Variants in CCN3 observed in about 807,000 individuals in gnomAD.
CCN3 encodes the protein cellular communication network factor 3.
CCN3 carries 20 observed loss-of-function variants against 33.4 expected under a neutral mutation model. That is an observed-to-expected ratio of 0.60 (90% confidence interval 0.42 to 0.87). The LOEUF is 0.87. Among genes scored for constraint, CCN3 ranks in the 40% least tolerant of loss-of-function variants. The probability of loss-of-function intolerance (pLI) is 0.00; values close to 1 mark genes in which losing one functional copy is unlikely to be tolerated. For missense variants in CCN3, 465 were observed against 455.3 expected, an observed-to-expected ratio of 1.02 and a Z score of -0.19; for synonymous variants, 205 against 170.4, an observed-to-expected ratio of 1.20 and a Z score of -1.58.
Position 119,416,525 on chromosome 8 carries a change from G to T in CCN3, c.-8G>T. 1 of 1,613,540 alleles carries T rather than the reference G, an allele frequency of 6.2e-7. No homozygotes were observed. The highest frequency in any genetic ancestry group is 2.2e-5 in the East Asian group (1 of 44,874). The stretch of plus-strand genomic sequence containing the variant: ...CGTTTGGTAAAAGCGAGAGGGGAAA[G>T]CCTGAGCATGCAGAGTGTGCAGAGC... On this transcript the variant is annotated 5_prime_UTR_variant, in exon 1 of 5. Coordinates refer to ENST00000259526, the MANE Select transcript of CCN3 (RefSeq NM_002514.4).
chr8:119,416,931 G>A lies in CCN3; in HGVS notation c.272G>A (p.Arg91His), dbSNP rs774463585. 3 of 1,613,532 alleles carry A rather than the reference G, an allele frequency of 1.9e-6. No individual in the cohort carries two copies. The highest frequency in any genetic ancestry group is 4.5e-5 in the East Asian group (2 of 44,848). The part of the protein sequence containing the change: ...CDESSGLYCD[R>H]SADPSNQTGI... ...GAGAGCAGTGGCCTCTACTGTGATC[G>A]CAGCGCGGACCCCAGCAACCAGACT... The change falls in exon 2 of 5, where the codon CGC (arginine) becomes CAC (histidine). Residue 91 changes from arginine (R) to histidine (H), a missense_variant. Coordinates refer to ENST00000259526, the MANE Select transcript of CCN3 (RefSeq NM_002514.4).
chr8:119,422,788 CA>C, intron 4 of CCN3, 47 bp from the exon 5 acceptor site: 1 of 1,472,952 alleles, frequency 6.8e-7, no homozygotes, highest in East Asian at 2.3e-5. Context: ...AATTGTCCCT[CA>C]GGGGAATGGT....
intron 2 of CCN3, among the ~76,000 whole-genome samples, chr8:119,417,817 C>T (rs1820072229): frequency 6.6e-6 from 1 of 152,212 alleles, no homozygotes; most frequent in Admixed American, 6.5e-5. Context: ...TTGCACACCT[C>T]TTTCCTCATC....
At position 119,418,197 on chromosome 8, in the gene CCN3, G is replaced by A. The variant is rs995171598; in HGVS notation, c.450G>A (p.Leu150=). Reference sequence around the variant, plus strand: ...CCCGCTGTCAGCTGGATGTGCTACTGCCTGAGCCTAACTGCCCAGCTCCAA... The same window carrying A: ...CCCGCTGTCAGCTGGATGTGCTACTACCTGAGCCTAACTGCCCAGCTCCAA... ...CVPRCQLDVL[L]PEPNCPAPRK... Residue 150 remains leucine, a synonymous_variant, in exon 3 of 5, where the codon CTG becomes CTA. Transcript: ENST00000259526. 7 of 1,614,086 alleles carry A rather than the reference G, an allele frequency of 4.3e-6. No individual in the cohort carries two copies. The African/African-American group carries it at 9.3e-5, about 22-fold the overall frequency.
At chr8:119,421,986 A>G (rs1229086966) in intron 4 of CCN3, among the ~76,000 whole-genome samples, 2 of 152,200 alleles carry the variant, frequency 1.3e-5, no homozygotes, top group African/African-American at 2.4e-5. Flanking sequence ...GTATTAGTCC[A>G]TTTTCAAACT....
At chr8:119,422,522 CA>C (rs1447421423) in intron 4 of CCN3, among the ~76,000 whole-genome samples, 1 of 152,124 alleles carries the variant, frequency 6.6e-6, no homozygotes, top group African/African-American at 2.4e-5. Context: ...TACAATTAGG[CA>C]AGGTGTTTAC....
Position 119,422,946 on chromosome 8 carries a change from T to C in CCN3, c.888T>C (p.Ser296=), listed in dbSNP as rs1215066191. 1 of 1,614,072 alleles carries C rather than the reference T, an allele frequency of 6.2e-7. No homozygotes were observed. ...TYKPRFCGVC[S]DGRCCTPHNT... ...AGCCCAGGTTCTGTGGGGTCTGCAGTGATGGCCGCTGCTGCACTCCCCACA... is the reference window on the plus strand; with the variant it reads ...AGCCCAGGTTCTGTGGGGTCTGCAGCGATGGCCGCTGCTGCACTCCCCACA... Residue 296 remains serine, a synonymous_variant, in exon 5 of 5, where the codon AGT becomes AGC. Transcript: ENST00000259526.
At chr8:119,417,931 G>A in intron 2 of CCN3, 127 bp from the exon 3 acceptor site, 7 of 907,824 alleles carry the variant, frequency 7.7e-6, no homozygotes, top group Non-Finnish European at 1.0e-5. Flanking sequence ...AAACCAGATC[G>A]CCTGAACTAG....
intron 4 of CCN3, 90 bp downstream of exon 4, chr8:119,419,435 G>C: frequency 1.5e-6 from 2 of 1,311,646 alleles, no homozygotes; most frequent in Non-Finnish European, 2.2e-6. Flanking sequence ...GTCACTCTGT[G>C]ACGGAGAGAG....
intron 4 of CCN3, among the ~76,000 whole-genome samples, chr8:119,419,729 G>C (rs1820099111): frequency 6.6e-6 from 1 of 152,214 alleles, no homozygotes; most frequent in African/African-American, 2.4e-5. Flanking sequence ...GGTTCTGTAT[G>C]TATGGGTAGA....
rs757006110 is a variant in CCN3 at position 119,422,892 on chromosome 8, C to T, written c.834C>T (p.Phe278=). The T allele has an allele frequency of 6.8e-6, 11 of 1,613,934 alleles. No homozygotes were observed. The highest frequency in any genetic ancestry group is 9.3e-6 in the Non-Finnish European group (11 of 1,179,884). Reference sequence around the variant, plus strand: ...CACTCAAAGCCATCCACCTGCAGTTCAAGAACTGCACCAGCCTGCACACCT... The same window carrying T: ...CACTCAAAGCCATCCACCTGCAGTTTAAGAACTGCACCAGCCTGCACACCT... ...KKSLKAIHLQ[F]KNCTSLHTYK... The change falls in exon 5 of 5, where the codon TTC becomes TTT. Residue 278 remains phenylalanine, a synonymous_variant. Transcript: ENST00000259526.
Position 119,422,833 on chromosome 8 carries a change from T to A in CCN3, c.778-3T>A. On this transcript the variant is annotated splice_polypyrimidine_tract_variant and splice_region_variant and intron_variant, in intron 4 of 4. Coordinates refer to ENST00000259526, the MANE Select transcript of CCN3 (RefSeq NM_002514.4). ...AATACATCACTTCTTTTTTCTTTCT[T>A]AGAAAGGAAAAAAGTGTCTCCGCAC... 1 of 1,592,458 alleles carries A rather than the reference T, an allele frequency of 6.3e-7. No individual in the cohort carries two copies. The highest frequency in any genetic ancestry group is 8.6e-7 in the Non-Finnish European group (1 of 1,167,438).
chr8:119,418,339 C>A, intron 3 of CCN3, 30 bp downstream of exon 3: 1 of 1,609,050 alleles, frequency 6.2e-7, no homozygotes, highest in South Asian at 1.1e-5. Flanking sequence ...TAGGGCTGGT[C>A]ATAGTAGAGG....
At chr8:119,417,012 T>TTCACTTAGCTGC in intron 2 of CCN3, 43 bp downstream of exon 2, 1 of 1,502,974 alleles carries the variant, frequency 6.7e-7, no homozygotes, top group Non-Finnish European at 9.1e-7. Flanking sequence ...CTCCTGCAGC[T>TTCACTTAGCTGC]AAGTGAAGCT....
chr8:119,423,851 A>G lies in CCN3; in HGVS notation c.*719A>G, dbSNP rs1820160236. On this transcript the variant is annotated 3_prime_UTR_variant, in exon 5 of 5. Coordinates refer to ENST00000259526, the MANE Select transcript of CCN3 (RefSeq NM_002514.4). ...CCAATACAAAGATGACTGGTCCCTC[A>G]TAGCCCTCAGACATTTATATATTGG... The G allele has an allele frequency of 6.6e-6, 1 of 152,240 alleles. No individual in the cohort carries two copies. 9.4% of individuals were successfully genotyped at this position (152,240 alleles called of 1,614,324 possible).
chr8:119,422,635 A>G lies in CCN3; in HGVS notation c.778-201A>G, dbSNP rs187454226. Among the ~76,000 whole-genome samples, 124 of 152,306 alleles carry G rather than the reference A, an allele frequency of 8.1e-4. No homozygotes were observed. Among genetic ancestry groups the G allele is most frequent in the Admixed American group, 1.5e-3 (23 of 15,306 alleles). ...TTCTCTTGGCCAGAACTTTGCCACAAGGTTATCCCAAGTCCCACATAGTCT... is the reference window on the plus strand; with the variant it reads ...TTCTCTTGGCCAGAACTTTGCCACAGGGTTATCCCAAGTCCCACATAGTCT... On this transcript the variant is annotated intron_variant, in intron 4 of 4. Transcript: ENST00000259526.
chr8:119,422,598 G>T (rs1820139171), intron 4 of CCN3, among the ~76,000 whole-genome samples: 2 of 152,188 alleles, frequency 1.3e-5, no homozygotes, highest in African/African-American at 4.8e-5. Context: ...AAAGGGCAAA[G>T]AATTTCCCAG....
At chr8:119,417,972 C>A in intron 2 of CCN3, 86 bp from the exon 3 acceptor site, 1 of 1,420,234 alleles carries the variant, frequency 7.0e-7, no homozygotes, top group Non-Finnish European at 9.7e-7. Context: ...ACATGCCCTC[C>A]AAATCTTACA....
rs138383600 is a variant in CCN3 at position 119,418,245 on chromosome 8, G to A, written c.498G>A (p.Glu166=). The change falls in exon 3 of 5, where the codon GAG becomes GAA. Residue 166 remains glutamate, a synonymous_variant. Coordinates refer to ENST00000259526, the MANE Select transcript of CCN3 (RefSeq NM_002514.4). ...CAAGAAAAGTTGAGGTGCCTGGAGAGTGCTGTGAAAAGTGGATCTGTGGCC... is the reference window on the plus strand; with the variant it reads ...CAAGAAAAGTTGAGGTGCCTGGAGAATGCTGTGAAAAGTGGATCTGTGGCC... ...PAPRKVEVPG[E]CCEKWICGPD... 1.1e-4 allele frequency: 183 copies of A among 1,614,230 alleles called. 4 individuals carry two copies. The highest frequency in any genetic ancestry group is 1.0e-4 in the Non-Finnish European group (122 of 1,180,048).
Sources: gnomAD v4.1 joint callset for allele counts (sites outside exome capture counted in the v4.1 genomes callset) on GRCh38, gnomAD v4.1.1 for gene constraint, MANE v1.5 for transcripts, NCBI Gene and HGNC (gene_info 2026-07-23, HGNC 2026-07-21) for gene names.